ASF1B: variants seen among roughly 807,000 people sequenced by gnomAD.
ASF1B encodes the protein anti-silencing function 1B histone chaperone.
In ASF1B, 10 loss-of-function variants were observed where a neutral mutation model predicts 16.6. The observed-to-expected ratio is 0.60, with a 90% CI of 0.37 to 1.02. The LOEUF (loss-of-function observed/expected upper bound fraction) is 1.02, where lower values mean the gene tolerates loss of function less well. ASF1B is among the 50% of genes least tolerant of loss of function. The probability of loss-of-function intolerance (pLI) is 0.01; values close to 1 mark genes in which losing one functional copy is unlikely to be tolerated. For synonymous variants in ASF1B, 101 were observed against 106.2 expected (o/e 0.95, Z 0.30); for missense variants, 240 against 266.0 (o/e 0.90, Z 0.68).
At chr19:14,135,470 G>A (rs898412655) in intron 1 of ASF1B, among the ~76,000 whole-genome samples, 3 of 152,132 alleles carry the variant, frequency 2.0e-5, no homozygotes, top group African/African-American at 7.2e-5. Context: ...TCAAGCATAG[G>A]GGGGTTGGGC....
At chr19:14,133,797 A>ATTTTTTT (rs34122923) in intron 1 of ASF1B, among the ~76,000 whole-genome samples, 16 of 98,894 alleles carry the variant, frequency 1.6e-4, no homozygotes, top group East Asian at 8.9e-4. Context: ...CCGCACAACC[A>ATTTTTTT]TTTTTTTTTT....
intron 1 of ASF1B, among the ~76,000 whole-genome samples, chr19:14,127,336 C>T (rs142166235): frequency 2.6e-5 from 4 of 152,194 alleles, no homozygotes; most frequent in East Asian, 1.9e-4. Flanking sequence ...GTGACACAGA[C>T]GTGCTGAGAA....
chr19:14,128,885 C>G (rs1256862700), intron 1 of ASF1B, among the ~76,000 whole-genome samples: 1 of 152,162 alleles, frequency 6.6e-6, no homozygotes, highest in Non-Finnish European at 1.5e-5. Flanking sequence ...ATCCTTGAGC[C>G]CTTTCCTCTC....
chr19:14,121,788 T>C (rs1236170942), intron 2 of ASF1B, 80 bp from the exon 3 acceptor site: 2 of 1,322,288 alleles, frequency 1.5e-6, no homozygotes, highest in African/African-American at 3.0e-5. Context: ...CCAAGCATCA[T>C]GTATTTACTG....
At chr19:14,134,506 C>T (rs895318914) in intron 1 of ASF1B, among the ~76,000 whole-genome samples, 35 of 151,800 alleles carry the variant, frequency 2.3e-4, no homozygotes, top group African/African-American at 8.5e-4. Context: ...CTTCACAGGC[C>T]CCCAGATCAC....
At chr19:14,121,275 ATTT>A (rs71170594) in intron 3 of ASF1B, 8,675 of 292,868 alleles carry the variant, frequency 0.03, no homozygotes, top group Middle Eastern at 0.049. Flanking sequence ...TGTCTGGCTC[ATTT>A]TTTTTTTTTT....
At chr19:14,127,866 G>T (rs1462106642) in intron 1 of ASF1B, among the ~76,000 whole-genome samples, 2 of 152,154 alleles carry the variant, frequency 1.3e-5, no homozygotes, top group Admixed American at 1.3e-4. Flanking sequence ...TCGAACTCCT[G>T]ACCTCAGGTC....
Position 14,120,611 on chromosome 19 carries a change from A to C in ASF1B, c.457T>G (p.Trp153Gly), listed in dbSNP as rs1216914417. 6.2e-7 allele frequency: 1 copy of C among 1,614,054 alleles called. No homozygotes were observed. The highest frequency in any genetic ancestry group is 8.5e-7 in the Non-Finnish European group (1 of 1,180,002). Residue 153 changes from tryptophan to glycine, a missense_variant, in exon 4 of 4, where the codon TGG (tryptophan) becomes GGG (glycine). Coordinates refer to ENST00000263382, the MANE Select transcript of ASF1B (RefSeq NM_018154.3). ...TCCAGCCTGTCCATGTTGTTGTCCC[A>C]GTTGATATGGAAGCGGGTCACCCGG... Reference protein sequence around the residue: ...NPRVTRFHINWDNNMDRLEAI... With the variant: ...NPRVTRFHINGDNNMDRLEAI...
chr19:14,134,835 G>T (rs1011238648), intron 1 of ASF1B, among the ~76,000 whole-genome samples: 1 of 151,896 alleles, frequency 6.6e-6, no homozygotes, highest in Admixed American at 6.6e-5. Flanking sequence ...GCTGGAGCCC[G>T]TCACAGCTCA....
At chr19:14,124,572 G>A (rs1165408875) in intron 2 of ASF1B, among the ~76,000 whole-genome samples, 1 of 152,176 alleles carries the variant, frequency 6.6e-6, no homozygotes. Context: ...GTAACCCCAA[G>A]ATGAACACCT....
rs557610413 is a variant in ASF1B at position 14,128,844 on chromosome 19, T to C, written c.110-2607A>G. ...AAAGCCAGCCAGCCCTGCTCTCTCC[T>C]TTCTAAAGCAGTTGTATCATTTTGG... On this transcript the variant is annotated intron_variant, in intron 1 of 3. Transcript: ENST00000263382. Among the ~76,000 whole-genome samples, 86 of 152,356 alleles carry C rather than the reference T, an allele frequency of 5.6e-4. 1 individual carries two copies. Among genetic ancestry groups the C allele is most frequent in the Middle Eastern group, 6.8e-3 (2 of 294 alleles).
intron 1 of ASF1B, among the ~76,000 whole-genome samples, chr19:14,127,851 T>G (rs556994419): frequency 1.2e-4 from 19 of 152,286 alleles, no homozygotes; most frequent in Non-Finnish European, 2.1e-4. Context: ...TTGGCCAGGT[T>G]GGTCTCGAAC....
intron 1 of ASF1B, among the ~76,000 whole-genome samples, chr19:14,134,897 G>A (rs559969804): frequency 5.2e-4 from 79 of 151,682 alleles, no homozygotes; most frequent in African/African-American, 1.9e-3. Flanking sequence ...AGCAACGGGA[G>A]CTTGGCACTG....
chr19:14,122,663 A>T (rs1227832728), intron 2 of ASF1B, among the ~76,000 whole-genome samples: 1 of 152,154 alleles, frequency 6.6e-6, no homozygotes, highest in Non-Finnish European at 1.5e-5. Context: ...CCCAGCCAGG[A>T]GTTGTCAACT....
intron 1 of ASF1B, among the ~76,000 whole-genome samples, chr19:14,130,777 GTGTT>G (rs1434377861): frequency 2.4e-5 from 3 of 124,334 alleles, no homozygotes; most frequent in Admixed American, 8.6e-5. Context: ...CCTCCACTGT[GTGTT>G]TGTGTGTATA....
chr19:14,122,573 T>C (rs1226203320), intron 2 of ASF1B, among the ~76,000 whole-genome samples: 1 of 151,868 alleles, frequency 6.6e-6, no homozygotes, highest in Non-Finnish European at 1.5e-5. Flanking sequence ...TTGCCCAGGC[T>C]GGTCTCAAAC....
intron 1 of ASF1B, among the ~76,000 whole-genome samples, chr19:14,126,756 G>A (rs1173333056): frequency 1.3e-5 from 2 of 152,090 alleles, no homozygotes. Flanking sequence ...ACAGGTGTGA[G>A]CCACTGTACC....
chr19:14,129,678 C>CAAAA lies in ASF1B; in HGVS notation c.110-3445_110-3442dup, dbSNP rs549023648. Among the ~76,000 whole-genome samples, 63 of 34,632 alleles carry CAAAA rather than the reference C, an allele frequency of 1.8e-3. 3 individuals carry two copies. The highest frequency in any genetic ancestry group is 2.3e-3 in the Non-Finnish European group (48 of 21,000). The allele number at this position is 34,632 out of a possible 152,430, so 22.7% of individuals were successfully genotyped here. A position where few individuals can be genotyped will look rare whatever the true frequency, so the allele number is the denominator to read the frequency against. On this transcript the variant is annotated intron_variant, in intron 1 of 3. Transcript: ENST00000263382. ...CCTGGGCAACAGAGCCAGCCTCCGTCAAAAAAAAAAAAAAAAAAAAAAAAA... is the reference window on the plus strand; with the variant it reads ...CCTGGGCAACAGAGCCAGCCTCCGTCAAAAAAAAAAAAAAAAAAAAAAAAAAAAA...
At chr19:14,128,658 G>C (rs970894986) in intron 1 of ASF1B, among the ~76,000 whole-genome samples, 9 of 152,156 alleles carry the variant, frequency 5.9e-5, no homozygotes, top group Admixed American at 3.3e-4. Flanking sequence ...ATTGTTTTTA[G>C]AGATGAGGTC....
Sources: gnomAD v4.1 joint callset for allele counts (sites outside exome capture counted in the v4.1 genomes callset) on GRCh38, gnomAD v4.1.1 for gene constraint, MANE v1.5 for transcripts, NCBI Gene and HGNC (gene_info 2026-07-23, HGNC 2026-07-21) for gene names.